Variants in RCHY1 observed in about 807,000 individuals in gnomAD.
The protein encoded by RCHY1 is ring finger and CHY zinc finger domain containing 1.
In RCHY1, 21 loss-of-function variants were observed where a neutral mutation model predicts 41.6. The ratio of observed to expected loss-of-function variants is 0.51; its 90% confidence interval spans 0.36 to 0.73. RCHY1 has a LOEUF of 0.73. Ranked by LOEUF, RCHY1 falls within the 30% of genes least tolerant of loss-of-function variation. The pLI is 0.00. For synonymous variants in RCHY1, 79 were observed against 102.9 expected (o/e 0.77, Z 1.41); for missense variants, 265 against 325.3 (o/e 0.81, Z 1.43).
intron 3 of RCHY1, among the ~76,000 whole-genome samples, chr4:75,503,648 C>T (rs1202861554): frequency 6.6e-6 from 1 of 151,604 alleles, no homozygotes; most frequent in Non-Finnish European, 1.5e-5. Flanking sequence ...GCCGAGATCA[C>T]GCCACTGCAC....
Position 75,511,976 on chromosome 4 carries a change from TTC to T in RCHY1, c.90+2219_90+2220del, listed in dbSNP as rs201866310. Among the ~76,000 whole-genome samples, 1,103 of 152,238 alleles carry T rather than the reference TTC, an allele frequency of 7.2e-3. 17 individuals are homozygous for T. Among genetic ancestry groups the T allele is most frequent in the African/African-American group, 0.026 (1,060 of 41,534 alleles). On this transcript the variant is annotated intron_variant, in intron 1 of 8. Coordinates refer to ENST00000324439, the MANE Select transcript of RCHY1 (RefSeq NM_015436.4). ...TTGCATCTCAATTCCAAGCATGAAA[TTC>T]TCTAACCATTACCTCCTCCCTAACT... is the stretch of plus-strand genomic sequence containing the variant.
At chr4:75,506,355 A>C (rs1015660964) in intron 3 of RCHY1, among the ~76,000 whole-genome samples, 1 of 152,054 alleles carries the variant, frequency 6.6e-6, no homozygotes, top group African/African-American at 2.4e-5. Context: ...GAGAAAAAAC[A>C]GAAAACAAAA....
At chr4:75,513,791 A>G (rs1003260985) in intron 1 of RCHY1, among the ~76,000 whole-genome samples, 1 of 152,194 alleles carries the variant, frequency 6.6e-6, no homozygotes, top group African/African-American at 2.4e-5. Flanking sequence ...ATAAAACTTT[A>G]CCACAGGAGC....
At chr4:75,494,222 C>G in intron 3 of RCHY1, 43 bp from the exon 4 acceptor site, 1 of 1,327,898 alleles carries the variant, frequency 7.5e-7, no homozygotes, top group East Asian at 2.4e-5. Flanking sequence ...TTATTTTTTA[C>G]TACAGTCATG....
At chr4:75,510,504 A>G (rs536802533) in intron 1 of RCHY1, among the ~76,000 whole-genome samples, 1 of 152,276 alleles carries the variant, frequency 6.6e-6, no homozygotes, top group South Asian at 2.1e-4. Context: ...AACGTAGTTC[A>G]TTCCTTAAAG....
At chr4:75,482,976 A>G (rs932775263) in intron 8 of RCHY1, among the ~76,000 whole-genome samples, 8 of 152,180 alleles carry the variant, frequency 5.3e-5, no homozygotes, top group African/African-American at 1.9e-4. Flanking sequence ...TCAGATGAAT[A>G]CCTGATACTT....
chr4:75,503,823 C>G lies in RCHY1; in HGVS notation c.326+4997G>C, dbSNP rs72866248. Among the ~76,000 whole-genome samples the G allele has an allele frequency of 5.7e-3, 867 of 152,250 alleles. 10 individuals are homozygous for G. Among genetic ancestry groups the G allele is most frequent in the African/African-American group, 0.02 (818 of 41,536 alleles). On this transcript the variant is annotated intron_variant, in intron 3 of 8. Coordinates refer to ENST00000324439, the MANE Select transcript of RCHY1 (RefSeq NM_015436.4). ...TTAAAGAATGTGTGATAATATTCTT[C>G]CATCTTTTATGACGTTTGTACACCA...
chr4:75,483,500 T>C (rs1318244692), intron 8 of RCHY1, among the ~76,000 whole-genome samples: 1 of 152,210 alleles, frequency 6.6e-6, no homozygotes, highest in Non-Finnish European at 1.5e-5. Context: ...ATAAAAATGT[T>C]CTAAAATTGT....
In RCHY1 at chr4:75,482,588, A is replaced by G; in HGVS notation, c.736T>C (p.Tyr246His). 1.2e-6 allele frequency: 2 copies of G among 1,612,880 alleles called. No homozygotes were observed. The highest frequency in any genetic ancestry group is 4.5e-5 in the East Asian group (2 of 44,816). The change falls in exon 9 of 9, where the codon TAT (tyrosine) becomes CAT (histidine). Residue 246 changes from tyrosine to histidine, a missense_variant. Coordinates refer to ENST00000324439, the MANE Select transcript of RCHY1 (RefSeq NM_015436.4). Reference sequence around the variant, plus strand: ...CGTCCTCCAGCTTGAGCAGTATTATAGGATTCACAAATCTTACATTTCATG... The same window carrying G: ...CGTCCTCCAGCTTGAGCAGTATTATGGGATTCACAAATCTTACATTTCATG... ...LGMKCKICESYNTAQAGGRRI... is the reference protein window; with the variant it reads ...LGMKCKICESHNTAQAGGRRI...
Position 75,482,524 on chromosome 4 carries a change from A to G in RCHY1, c.*14T>C. 2 of 1,595,046 alleles carry G rather than the reference A, an allele frequency of 1.3e-6. No homozygotes were observed. The highest frequency in any genetic ancestry group is 8.5e-7 in the Non-Finnish European group (1 of 1,171,104). On this transcript the variant is annotated 3_prime_UTR_variant, in exon 9 of 9. Transcript: ENST00000324439. ...ATCAGAAAATGCCAAGTTCTCCAGT[A>G]CTGTGTAGGCTCGTCATTGCTGATC...
intron 8 of RCHY1, among the ~76,000 whole-genome samples, chr4:75,483,909 T>G (rs1280432426): frequency 6.6e-6 from 1 of 152,176 alleles, no homozygotes; most frequent in Non-Finnish European, 1.5e-5. Flanking sequence ...ATACCATGTA[T>G]GGCTGAGAAG....
intron 3 of RCHY1, among the ~76,000 whole-genome samples, chr4:75,505,785 A>G (rs1285238762): frequency 6.6e-6 from 1 of 152,322 alleles, no homozygotes; most frequent in East Asian, 1.9e-4. Flanking sequence ...AAAGTAGTAA[A>G]GAGCAACTGA....
At position 75,514,403 on chromosome 4, in the gene RCHY1, T is replaced by G. The variant is rs1725344024; in HGVS notation, c.-117A>C. 8.4e-6 allele frequency: 10 copies of G among 1,192,346 alleles called. No individual in the cohort carries two copies. In the South Asian group the frequency reaches 1.1e-4, roughly 13 times the overall value. The allele number at this position is 1,192,346 out of a possible 1,614,324, so 73.9% of individuals were successfully genotyped here. A position where few individuals can be genotyped will look rare whatever the true frequency, so the allele number is the denominator to read the frequency against. On this transcript the variant is annotated 5_prime_UTR_variant, in exon 1 of 9. Coordinates refer to ENST00000324439, the MANE Select transcript of RCHY1 (RefSeq NM_015436.4). ...GCCCCAGCGGCCACTAGCGACAATA[T>G]GGCTCCTAAGCACGTGACCCGGGGC...
intron 8 of RCHY1, among the ~76,000 whole-genome samples, chr4:75,487,582 AT>A (rs1722201823): frequency 1.3e-5 from 1 of 74,960 alleles, no homozygotes; most frequent in Non-Finnish European, 2.4e-5. Flanking sequence ...ATATTCATAT[AT>A]ATATTCATAA....
In RCHY1 at chr4:75,480,192, G is replaced by T. The variant is rs572956794; in HGVS notation, c.*2346C>A. On this transcript the variant is annotated 3_prime_UTR_variant, in exon 9 of 9. Coordinates refer to ENST00000324439, the MANE Select transcript of RCHY1 (RefSeq NM_015436.4). ...CATTTGAAAATTGCTTTAAGTGCAT[G>T]ACTAGACAGCATAAACGAGTGATTG... The T allele has an allele frequency of 5.9e-5, 9 of 152,288 alleles. No individual in the cohort carries two copies. The highest frequency in any genetic ancestry group is 1.2e-4 in the Non-Finnish European group (8 of 68,016). The allele number at this position is 152,288 out of a possible 1,614,324, so 9.4% of individuals were successfully genotyped here. A position where few individuals can be genotyped will look rare whatever the true frequency, so the allele number is the denominator to read the frequency against.
Position 75,482,642 on chromosome 4 carries a change from G to T in RCHY1, c.682C>A (p.Arg228=). The part of the protein sequence containing the change: ...VDILCNDCNG[R]STVQFHILGM... ...AATATATGAAACTGAACAGTGGATC[G>T]TCCATTACAGTCATTGCAGAGAATC... The change falls in exon 9 of 9, where the codon CGA becomes AGA. Residue 228 remains arginine, a synonymous_variant. Coordinates refer to ENST00000324439, the MANE Select transcript of RCHY1 (RefSeq NM_015436.4). The T allele has an allele frequency of 6.2e-7, 1 of 1,607,400 alleles. No homozygotes were observed. The highest frequency in any genetic ancestry group is 8.5e-7 in the Non-Finnish European group (1 of 1,175,676).
chr4:75,484,962 A>T (rs1193981658), intron 8 of RCHY1, among the ~76,000 whole-genome samples: 1 of 152,188 alleles, frequency 6.6e-6, no homozygotes, highest in Non-Finnish European at 1.5e-5. Flanking sequence ...AAATATTTCA[A>T]TATTTTTATT....
intron 3 of RCHY1, among the ~76,000 whole-genome samples, chr4:75,497,738 A>G (rs140573894): frequency 8.0e-4 from 122 of 152,264 alleles, no homozygotes; most frequent in African/African-American, 2.7e-3. Context: ...AAATAGTAAT[A>G]GCCAAAACTT....
At chr4:75,490,938 A>T (rs562668381) in intron 7 of RCHY1, 1 of 351,700 alleles carries the variant, frequency 2.8e-6, no homozygotes, top group Admixed American at 4.5e-5. Flanking sequence ...GAGAGGAATT[A>T]GTCCATATTC....
Sources: allele counts gnomAD v4.1 joint callset (sites outside exome capture counted in the v4.1 genomes callset), GRCh38; gene constraint gnomAD v4.1.1; transcripts MANE v1.5; gene names NCBI Gene and HGNC (gene_info 2026-07-23, HGNC 2026-07-21).